CCNY: variants seen among roughly 807,000 people sequenced by gnomAD.
CCNY encodes cyclin Y, also known as cyclin-Y.
Under a neutral mutation model 42.8 loss-of-function variants are expected in CCNY, and 19 were observed. The ratio of observed to expected loss-of-function variants is 0.44; its 90% CI spans 0.31 to 0.65. The LOEUF (loss-of-function observed/expected upper bound fraction) is 0.65. CCNY is among the 30% of genes least tolerant of loss of function. The probability of loss-of-function intolerance (pLI) is 0.07; values close to 1 mark genes in which losing one functional copy is unlikely to be tolerated. For synonymous variants in CCNY, 165 were observed against 162.7 expected, an observed-to-expected ratio of 1.01 and a Z score of -0.11; for missense variants, 370 against 437.3, an observed-to-expected ratio of 0.85 and a Z score of 1.37.
At chr10:35,465,215 T>G (rs189527952) in intron 1 of CCNY, among the ~76,000 whole-genome samples, 21 of 152,296 alleles carry the variant, frequency 1.4e-4, no homozygotes, top group African/African-American at 4.8e-4. Flanking sequence ...ACTTTATGCA[T>G]GGTAGGGCGA....
chr10:35,496,028 A>G (rs1839996632), intron 2 of CCNY, among the ~76,000 whole-genome samples: 1 of 152,246 alleles, frequency 6.6e-6, no homozygotes, highest in African/African-American at 2.4e-5. Flanking sequence ...TGTGCTACCC[A>G]CAGGAAAAAG....
chr10:35,457,027 C>T (rs1332361439), intron 1 of CCNY, among the ~76,000 whole-genome samples: 1 of 152,052 alleles, frequency 6.6e-6, no homozygotes, highest in East Asian at 1.9e-4. Context: ...TCTGAAAATG[C>T]GGGGGGGAAA....
rs570179964 is a variant in CCNY, at chr10:35,562,115, C to T, written c.747-3908C>T. On this transcript the variant is annotated intron_variant, in intron 8 of 9. Coordinates refer to ENST00000374704, the MANE Select transcript of CCNY (RefSeq NM_145012.6). The stretch of plus-strand genomic sequence containing the variant: ...AATACTGTTAAAAAAAATTACACCT[C>T]GAGGTTTGTCTGTTTCTTGTTTTTG... 3.0e-3 allele frequency among the ~76,000 whole-genome samples: 463 copies of T among 152,272 alleles called. 4 individuals carry two copies. Among genetic ancestry groups the T allele is most frequent in the Non-Finnish European group, 3.7e-3 (252 of 68,022 alleles).
intron 3 of CCNY, among the ~76,000 whole-genome samples, chr10:35,311,944 C>A (rs1467394491): frequency 6.6e-6 from 1 of 152,202 alleles, no homozygotes; most frequent in East Asian, 1.9e-4. Flanking sequence ...TGTGATTATG[C>A]CACTGCACTC....
chr10:35,460,630 T>C (rs1164181237), intron 1 of CCNY, among the ~76,000 whole-genome samples: 2 of 152,216 alleles, frequency 1.3e-5, no homozygotes, highest in African/African-American at 4.8e-5. Flanking sequence ...AAAATACCTT[T>C]AGCAGGAGCT....
intron 1 of CCNY, among the ~76,000 whole-genome samples, chr10:35,373,557 T>C (rs1836984992): frequency 6.6e-6 from 1 of 152,204 alleles, no homozygotes; most frequent in Non-Finnish European, 1.5e-5. Context: ...ACATGGATTT[T>C]CTTATGCCTC....
At chr10:35,384,092 G>A (rs1837251409) in intron 1 of CCNY, among the ~76,000 whole-genome samples, 1 of 152,154 alleles carries the variant, frequency 6.6e-6, no homozygotes, top group African/African-American at 2.4e-5. Flanking sequence ...CTGATTAAAG[G>A]AGGGTTTCCT....
intron 3 of CCNY, among the ~76,000 whole-genome samples, chr10:35,329,375 C>T (rs1835915045): frequency 6.6e-6 from 1 of 152,028 alleles, no homozygotes; most frequent in Admixed American, 6.5e-5. Context: ...CATGGTGAAA[C>T]CCCATCTCTA....
chr10:35,286,075 G>C (rs187256324), intron 3 of CCNY, among the ~76,000 whole-genome samples: 6 of 152,214 alleles, frequency 3.9e-5, no homozygotes, highest in Admixed American at 3.9e-4. Context: ...GTCTCTCAAA[G>C]TGCTGGGATT....
At chr10:35,276,426 C>A (rs1835239434) in intron 3 of CCNY, among the ~76,000 whole-genome samples, 1 of 152,304 alleles carries the variant, frequency 6.6e-6, no homozygotes, top group African/African-American at 2.4e-5. Flanking sequence ...TGCTCTGTCA[C>A]CCAGGCTGGA....
At chr10:35,267,643 G>T (rs1159272675) in intron 3 of CCNY, among the ~76,000 whole-genome samples, 1 of 152,148 alleles carries the variant, frequency 6.6e-6, no homozygotes, top group Non-Finnish European at 1.5e-5. Flanking sequence ...GGCCCTGGTT[G>T]CTCCCTCTTG....
intron 3 of CCNY, among the ~76,000 whole-genome samples, chr10:35,270,244 G>A (rs1835146259): frequency 6.6e-6 from 1 of 152,172 alleles, no homozygotes. Flanking sequence ...AGGGGCACCC[G>A]ATCCCATTCA....
chr10:35,535,396 AC>A (rs1237662803), intron 7 of CCNY, among the ~76,000 whole-genome samples: 1 of 152,132 alleles, frequency 6.6e-6, no homozygotes, highest in African/African-American at 2.4e-5. Context: ...GAGTTTGCCC[AC>A]ATCCTGCATT....
chr10:35,388,107 A>G (rs1837335678), intron 1 of CCNY, among the ~76,000 whole-genome samples: 2 of 152,234 alleles, frequency 1.3e-5, no homozygotes, highest in African/African-American at 4.8e-5. Context: ...TGACTCCTGG[A>G]GAGCAATTCT....
intron 8 of CCNY, among the ~76,000 whole-genome samples, chr10:35,554,954 C>T (rs1057226392): frequency 1.4e-4 from 21 of 152,088 alleles, no homozygotes; most frequent in African/African-American, 4.8e-4. Context: ...TTTAATTCAC[C>T]AAAATGCCAG....
chr10:35,346,540 C>CT (rs968469407), intron 1 of CCNY, among the ~76,000 whole-genome samples: 2 of 152,214 alleles, frequency 1.3e-5, no homozygotes, highest in Non-Finnish European at 2.9e-5. Context: ...ACTTTGTTGC[C>CT]TTGCCAGGAA....
At chr10:35,293,349 T>C (rs1285051334) in intron 3 of CCNY, among the ~76,000 whole-genome samples, 1 of 152,224 alleles carries the variant, frequency 6.6e-6, no homozygotes, top group Non-Finnish European at 1.5e-5. Flanking sequence ...AAAACCATAC[T>C]GTCTTGATTA....
intron 1 of CCNY, among the ~76,000 whole-genome samples, chr10:35,383,107 A>G (rs1224772124): frequency 6.6e-6 from 1 of 152,172 alleles, no homozygotes; most frequent in Non-Finnish European, 1.5e-5. Context: ...CTTTTTCTGT[A>G]TCTGTGGGTT....
chr10:35,296,840 G>GACCAGATGGATTCACAGCTGAATTCT (rs1835477054), intron 3 of CCNY, among the ~76,000 whole-genome samples: 1 of 152,068 alleles, frequency 6.6e-6, no homozygotes, highest in Admixed American at 6.6e-5. Context: ...AAAAGCCCAG[G>GACCAGATGGATTCACAGCTGAATTCT]ACCAGATGGA....
Sources: gnomAD v4.1 joint callset for allele counts (sites outside exome capture counted in the v4.1 genomes callset) on GRCh38, gnomAD v4.1.1 for gene constraint, MANE v1.5 for transcripts, NCBI Gene and HGNC (gene_info 2026-07-23, HGNC 2026-07-21) for gene names.